Variants in ZNRF2 observed in about 807,000 individuals in gnomAD.
ZNRF2 encodes the protein E3 ubiquitin-protein ligase ZNRF2.
In ZNRF2, 16 loss-of-function variants were observed where a neutral mutation model predicts 20.4. The observed-to-expected ratio is 0.79, with a 90% CI of 0.53 to 1.19. The LOEUF is 1.19. ZNRF2 is among the 50% of genes most tolerant of loss of function. The pLI is 0.00. For synonymous variants in ZNRF2, 178 were observed against 144.9 expected, an observed-to-expected ratio of 1.23 and a Z score of -1.64; for missense variants, 363 against 332.4, an observed-to-expected ratio of 1.09 and a Z score of -0.72.
chr7:30,359,680 G>A (rs999024603), intron 3 of ZNRF2, among the ~76,000 whole-genome samples: 1 of 152,136 alleles, frequency 6.6e-6, no homozygotes, highest in Non-Finnish European at 1.5e-5. Context: ...CACAATTTGT[G>A]CATTAGCTTT....
chr7:30,323,543 T>C (rs2128063357), intron 1 of ZNRF2, 99 bp from the exon 2 acceptor site: 1 of 724,638 alleles, frequency 1.4e-6, no homozygotes, highest in Non-Finnish European at 2.2e-6. Context: ...GTAAGTGTAA[T>C]ATTGAAGTTT....
At chr7:30,308,373 A>T (rs781563155) in intron 1 of ZNRF2, among the ~76,000 whole-genome samples, 3 of 152,074 alleles carry the variant, frequency 2.0e-5, no homozygotes, top group Non-Finnish European at 4.4e-5. Flanking sequence ...TTTTTTGTTA[A>T]TATGTATTCT....
intron 1 of ZNRF2, among the ~76,000 whole-genome samples, chr7:30,300,842 C>T (rs957473677): frequency 3.3e-5 from 5 of 152,128 alleles, no homozygotes; most frequent in Admixed American, 2.6e-4. Flanking sequence ...TAGACAATGG[C>T]TAGATATATG....
chr7:30,311,784 G>A (rs1799295998), intron 1 of ZNRF2, among the ~76,000 whole-genome samples: 2 of 152,134 alleles, frequency 1.3e-5, no homozygotes, highest in South Asian at 2.1e-4. Flanking sequence ...AATTATTTGA[G>A]TGCAAACAGT....
At position 30,335,810 on chromosome 7, in the gene ZNRF2, G is replaced by T. The variant is rs1799707789; in HGVS notation, c.565+12073G>T. Reference sequence around the variant, plus strand: ...CTTATATTAGTATGCAAAAGTATTTGTAAGGAAAAGAATTTGTTTAAAGAC... The same window carrying T: ...CTTATATTAGTATGCAAAAGTATTTTTAAGGAAAAGAATTTGTTTAAAGAC... On this transcript the variant is annotated intron_variant, in intron 2 of 4. Coordinates refer to ENST00000323037, the MANE Select transcript of ZNRF2 (RefSeq NM_147128.4). 2.6e-5 allele frequency among the ~76,000 whole-genome samples: 4 copies of T among 152,164 alleles called. No homozygotes were observed. In the South Asian group the frequency reaches 8.3e-4, roughly 31 times the overall value.
At chr7:30,334,469 C>G (rs1336808098) in intron 2 of ZNRF2, among the ~76,000 whole-genome samples, 1 of 152,062 alleles carries the variant, frequency 6.6e-6, no homozygotes, top group Non-Finnish European at 1.5e-5. Flanking sequence ...TTTGCTTTGG[C>G]TATTTCTTTT....
At chr7:30,285,853 G>T in intron 1 of ZNRF2, 27 bp downstream of exon 1, 1 of 1,451,266 alleles carries the variant, frequency 6.9e-7, no homozygotes, top group Non-Finnish European at 9.0e-7. Context: ...GCGCACCCGC[G>T]CTCGGTCCTC....
In ZNRF2 at chr7:30,359,402, G is replaced by A. The variant is rs187268643; in HGVS notation, c.672-2975G>A. Among the ~76,000 whole-genome samples the A allele has an allele frequency of 1.9e-3, 294 of 152,248 alleles. 1 individual carries two copies. The highest frequency in any genetic ancestry group is 3.5e-3 in the Non-Finnish European group (240 of 67,986). ...TAAAAGAGGTTTGGTATTGGAAATA[G>A]CGTTCTCCCTCTATGACTTTCTGTA... On this transcript the variant is annotated intron_variant, in intron 3 of 4. Coordinates refer to ENST00000323037, the MANE Select transcript of ZNRF2 (RefSeq NM_147128.4).
intron 2 of ZNRF2, among the ~76,000 whole-genome samples, chr7:30,336,105 G>A (rs976995021): frequency 1.3e-5 from 2 of 152,160 alleles, no homozygotes; most frequent in African/African-American, 4.8e-5. Context: ...AAAGAAAGGA[G>A]TAAAGATATT....
At chr7:30,344,022 C>T (rs1251406896) in intron 2 of ZNRF2, among the ~76,000 whole-genome samples, 1 of 149,612 alleles carries the variant, frequency 6.7e-6, no homozygotes, top group African/African-American at 2.5e-5. Context: ...CAGGTTCAAG[C>T]GATTCCCCTG....
chr7:30,358,420 A>G (rs559804417), intron 3 of ZNRF2, among the ~76,000 whole-genome samples: 27 of 152,350 alleles, frequency 1.8e-4, no homozygotes, highest in Admixed American at 1.4e-3. Context: ...GTAATCTGAA[A>G]TTAATCTGGA....
intron 2 of ZNRF2, among the ~76,000 whole-genome samples, chr7:30,350,143 C>T (rs1799940605): frequency 6.6e-6 from 1 of 151,968 alleles, no homozygotes; most frequent in South Asian, 2.1e-4. Flanking sequence ...AAAGCTATGT[C>T]TAGGTGTGGA....
At chr7:30,346,170 ATTTTTTTTTTTTTTTTTTT>A (rs70980598) in intron 2 of ZNRF2, among the ~76,000 whole-genome samples, 4 of 23,706 alleles carry the variant, frequency 1.7e-4, no homozygotes, top group Admixed American at 2.0e-3. Context: ...GTTAAGTCTG[ATTTTTTTTTTTTTTTTTTT>A]TTTTTTTTTT....
At chr7:30,322,032 A>T (rs897834635) in intron 1 of ZNRF2, among the ~76,000 whole-genome samples, 2 of 152,118 alleles carry the variant, frequency 1.3e-5, no homozygotes, top group South Asian at 4.1e-4. Context: ...AACTGCAAAA[A>T]ATCTCATAAT....
chr7:30,328,107 G>C (rs1002438932), intron 2 of ZNRF2, among the ~76,000 whole-genome samples: 4 of 152,114 alleles, frequency 2.6e-5, no homozygotes, highest in Non-Finnish European at 5.9e-5. Flanking sequence ...TCATAGGCAA[G>C]GGGAATTCTA....
chr7:30,316,175 C>A (rs1353932450), intron 1 of ZNRF2, among the ~76,000 whole-genome samples: 3 of 150,046 alleles, frequency 2.0e-5, no homozygotes, highest in Non-Finnish European at 3.0e-5. Flanking sequence ...GTAATCCCAG[C>A]TACTTGGGAT....
intron 1 of ZNRF2, among the ~76,000 whole-genome samples, chr7:30,299,767 T>TA (rs1057481683): frequency 7.3e-5 from 11 of 150,714 alleles, no homozygotes; most frequent in African/African-American, 2.4e-4. Flanking sequence ...TGTGTTCTTC[T>TA]AAAACCTGCT....
In ZNRF2 at chr7:30,362,467, T is replaced by A; in HGVS notation, c.*22+11T>A. 6.5e-7 allele frequency: 1 copy of A among 1,545,360 alleles called. No homozygotes were observed. The highest frequency in any genetic ancestry group is 8.8e-7 in the Non-Finnish European group (1 of 1,132,722). On this transcript the variant is annotated intron_variant, in intron 4 of 4. Transcript: ENST00000323037. ...CTTCCTGTTTTATAGGTAATTTTTT[T>A]TGTAATTACTTTTTAAAGCGTTAGC... is the stretch of plus-strand genomic sequence containing the variant.
chr7:30,293,248 ATTTTT>A (rs71557451), intron 1 of ZNRF2, among the ~76,000 whole-genome samples: 1 of 133,728 alleles, frequency 7.5e-6, no homozygotes, highest in Non-Finnish European at 1.6e-5. Flanking sequence ...AAATTTTTAC[ATTTTT>A]TTTTTTTTTT....
Sources: allele counts gnomAD v4.1 joint callset (sites outside exome capture counted in the v4.1 genomes callset), GRCh38; gene constraint gnomAD v4.1.1; transcripts MANE v1.5; gene names NCBI Gene and HGNC (gene_info 2026-07-23, HGNC 2026-07-21).